PTPRG: variants seen among roughly 807,000 people sequenced by gnomAD.
The protein encoded by PTPRG is receptor-type tyrosine-protein phosphatase gamma.
In PTPRG, 102 loss-of-function variants were observed where a neutral mutation model predicts 165.3. The ratio of observed to expected loss-of-function variants is 0.62; its 90% CI spans 0.53 to 0.73. PTPRG has a LOEUF of 0.73. Ranked by LOEUF, PTPRG falls within the 30% of genes least tolerant of loss-of-function variation. PTPRG has a pLI of 0.00. For synonymous variants in PTPRG, 675 were observed against 669.5 expected, an observed-to-expected ratio of 1.01 and a Z score of -0.13; for missense variants, 1,866 against 1,861.4, an observed-to-expected ratio of 1.00 and a Z score of -0.05.
intron 2 of PTPRG, among the ~76,000 whole-genome samples, chr3:61,861,474 G>C (rs1461079735): frequency 6.6e-6 from 1 of 152,182 alleles, no homozygotes; most frequent in Non-Finnish European, 1.5e-5. Flanking sequence ...CCTGTTATTA[G>C]AGTCCTGTCC....
At chr3:61,572,891 G>T (rs1054020658) in intron 1 of PTPRG, among the ~76,000 whole-genome samples, 1 of 152,224 alleles carries the variant, frequency 6.6e-6, no homozygotes, top group Non-Finnish European at 1.5e-5. Context: ...TTTCCTGAGG[G>T]ACAGATTTTT....
intron 4 of PTPRG, among the ~76,000 whole-genome samples, chr3:62,059,911 C>G (rs554952658): frequency 6.6e-6 from 1 of 152,166 alleles, no homozygotes; most frequent in African/African-American, 2.4e-5. Context: ...TTGCTTCCCC[C>G]TCCACCATGA....
At chr3:62,147,050 AC>A (rs1182621974) in intron 6 of PTPRG, among the ~76,000 whole-genome samples, 1 of 152,208 alleles carries the variant, frequency 6.6e-6, no homozygotes, top group Non-Finnish European at 1.5e-5. Context: ...TTAGCCAATT[AC>A]GCAGACTGAA....
At chr3:61,888,695 A>G (rs774182674) in intron 2 of PTPRG, among the ~76,000 whole-genome samples, 1 of 152,200 alleles carries the variant, frequency 6.6e-6, no homozygotes, top group Non-Finnish European at 1.5e-5. Flanking sequence ...CAGTGTTGGT[A>G]TGATTTTATT....
chr3:62,032,880 T>A (rs1699814708), intron 4 of PTPRG, among the ~76,000 whole-genome samples: 1 of 152,176 alleles, frequency 6.6e-6, no homozygotes, highest in African/African-American at 2.4e-5. Flanking sequence ...GCAGAACTAT[T>A]AATGCTAAGG....
At chr3:62,000,861 G>C (rs187225077) in intron 3 of PTPRG, among the ~76,000 whole-genome samples, 1 of 152,306 alleles carries the variant, frequency 6.6e-6, no homozygotes, top group Non-Finnish European at 1.5e-5. Flanking sequence ...CTGGCTTCCT[G>C]GCCCTGGATC....
intron 3 of PTPRG, among the ~76,000 whole-genome samples, chr3:62,000,188 G>A (rs1439517043): frequency 1.3e-5 from 2 of 151,530 alleles, no homozygotes; most frequent in Non-Finnish European, 2.9e-5. Context: ...CACTGAGGCA[G>A]GAGAATCACT....
rs909197656 is a variant in PTPRG, at chr3:62,284,159, G to A, written c.4055+1290G>A. Among the ~76,000 whole-genome samples the A allele has an allele frequency of 8.6e-4, 130 of 151,648 alleles. 1 individual carries two copies. Among genetic ancestry groups the A allele is most frequent in the Non-Finnish European group, 1.5e-4 (10 of 67,978 alleles). On this transcript the variant is annotated intron_variant, in intron 28 of 29. Transcript: ENST00000474889. ...GTTATATGACTGATTTTGCTGTTAC[G>A]GTAGTACTCCGAGGTGTTTTGTCCT...
intron 4 of PTPRG, among the ~76,000 whole-genome samples, chr3:62,067,314 A>G (rs1318325537): frequency 6.7e-6 from 1 of 149,226 alleles, no homozygotes; most frequent in African/African-American, 2.5e-5. Context: ...GGAAACTCCC[A>G]TGATGTGGGG....
At chr3:61,940,180 C>G (rs891643477) in intron 2 of PTPRG, among the ~76,000 whole-genome samples, 1 of 152,008 alleles carries the variant, frequency 6.6e-6, no homozygotes, top group Non-Finnish European at 1.5e-5. Context: ...TTCCTGACGT[C>G]AGGTGATCCA....
chr3:62,094,107 G>A (rs1185280621), intron 5 of PTPRG, among the ~76,000 whole-genome samples: 1 of 152,106 alleles, frequency 6.6e-6, no homozygotes, highest in Non-Finnish European at 1.5e-5. Context: ...TGAAACCAAG[G>A]AACAGAGATA....
chr3:61,741,950 T>A (rs1430254359), intron 1 of PTPRG, among the ~76,000 whole-genome samples: 2 of 152,216 alleles, frequency 1.3e-5, no homozygotes, highest in Admixed American at 1.3e-4. Flanking sequence ...TCCCTATGGA[T>A]ATATTATGTA....
chr3:61,832,683 C>CT (rs756807742), intron 2 of PTPRG, among the ~76,000 whole-genome samples: 11 of 151,952 alleles, frequency 7.2e-5, no homozygotes, highest in South Asian at 4.2e-4. Context: ...TTTTTACTTA[C>CT]TTTTTTAAAA....
intron 7 of PTPRG, among the ~76,000 whole-genome samples, chr3:62,157,849 G>C (rs1302769656): frequency 6.6e-6 from 1 of 152,204 alleles, no homozygotes; most frequent in African/African-American, 2.4e-5. Flanking sequence ...CTTTCTGTGT[G>C]CTATGTACTT....
chr3:61,563,408 C>G (rs1699820057), intron 1 of PTPRG, among the ~76,000 whole-genome samples: 2 of 152,132 alleles, frequency 1.3e-5, no homozygotes, highest in Admixed American at 1.3e-4. Flanking sequence ...CCCCTCCTCT[C>G]TCCCCTGGGG....
intron 1 of PTPRG, among the ~76,000 whole-genome samples, chr3:61,572,197 G>A (rs779550952): frequency 5.3e-5 from 8 of 152,136 alleles, no homozygotes; most frequent in African/African-American, 9.7e-5. Flanking sequence ...CAGACAAGGT[G>A]GTGAGTGGAA....
chr3:62,256,260 T>C (rs1701533418), intron 16 of PTPRG, among the ~76,000 whole-genome samples: 1 of 152,158 alleles, frequency 6.6e-6, no homozygotes. Flanking sequence ...TTACCTTGAA[T>C]GAACAATGAG....
intron 1 of PTPRG, among the ~76,000 whole-genome samples, chr3:61,683,823 G>C (rs937201421): frequency 6.6e-6 from 1 of 152,112 alleles, no homozygotes; most frequent in Non-Finnish European, 1.5e-5. Flanking sequence ...TTAAAAACTT[G>C]GTAAATTTAG....
At chr3:62,061,155 G>C (rs1700797187) in intron 4 of PTPRG, among the ~76,000 whole-genome samples, 1 of 152,152 alleles carries the variant, frequency 6.6e-6, no homozygotes, top group Non-Finnish European at 1.5e-5. Context: ...TTGAAATTAA[G>C]CTTTTGTCCT....
Sources: allele counts gnomAD v4.1 joint callset (sites outside exome capture counted in the v4.1 genomes callset), GRCh38; gene constraint gnomAD v4.1.1; transcripts MANE v1.5; gene names NCBI Gene and HGNC (gene_info 2026-07-23, HGNC 2026-07-21).